MAP1LC3C: variants seen among roughly 807,000 people sequenced by gnomAD.
MAP1LC3C encodes microtubule associated protein 1 light chain 3 gamma, also known as microtubule-associated protein 1 light chain 3 gamma.
In MAP1LC3C, 12 loss-of-function variants were observed where a neutral mutation model predicts 10.4. The ratio of observed to expected loss-of-function variants is 1.15; its 90% CI spans 0.74 to 1.86. MAP1LC3C has a LOEUF of 1.86. Among genes scored for constraint, MAP1LC3C ranks in the 40% most tolerant of loss-of-function variants. The probability of loss-of-function intolerance (pLI) is 0.00; values close to 1 mark genes in which losing one functional copy is unlikely to be tolerated. For synonymous variants in MAP1LC3C, 70 were observed against 69.0 expected, an observed-to-expected ratio of 1.01 and a Z score of -0.07; for missense variants, 177 against 185.7, an observed-to-expected ratio of 0.95 and a Z score of 0.27.
intron 3 of MAP1LC3C, among the ~76,000 whole-genome samples, chr1:241,997,193 C>T (rs1341010574): frequency 6.6e-6 from 1 of 152,100 alleles, no homozygotes; most frequent in Non-Finnish European, 1.5e-5. Context: ...GCCACTGCGC[C>T]TGGCCCTAAT....
At chr1:242,000,564 A>G (rs1049016822), upstream of MAP1LC3C, among the ~76,000 whole-genome samples, 5 of 152,126 alleles carry the variant, frequency 3.3e-5, no homozygotes, top group African/African-American at 4.8e-5. Flanking sequence ...TCTATGGGAC[A>G]TAAGTCAGGC....
rs1183012260 is a variant in MAP1LC3C, at chr1:241,995,932, T to A, written c.*231A>T. ...AGACCCTGTTTCAAAAAAAAAAAAA[T>A]GATAATTATATAACTTTCAAGAGCA... On this transcript the variant is annotated 3_prime_UTR_variant, in exon 4 of 4. Transcript: ENST00000357246. The A allele has an allele frequency of 3.5e-4, 132 of 378,176 alleles. No individual in the cohort carries two copies. Among genetic ancestry groups the A allele is most frequent in the African/African-American group, 1.0e-3 (49 of 48,200 alleles). 23.4% of individuals were successfully genotyped at this position (378,176 alleles called of 1,614,324 possible).
intron 3 of MAP1LC3C, among the ~76,000 whole-genome samples, chr1:241,996,806 A>G (rs1665093005): frequency 6.8e-6 from 1 of 146,590 alleles, no homozygotes; most frequent in African/African-American, 2.5e-5. Context: ...CTGTAGTCCC[A>G]GCTACTCGGG....
At chr1:242,000,656 A>G (rs955778768), upstream of MAP1LC3C, among the ~76,000 whole-genome samples, 1 of 152,182 alleles carries the variant, frequency 6.6e-6, no homozygotes, top group Non-Finnish European at 1.5e-5. Flanking sequence ...CCGGCTTATT[A>G]CAGAGGATAT....
chr1:241,996,904 C>A, intron 3 of MAP1LC3C, among the ~76,000 whole-genome samples: 1 of 1,400 alleles, frequency 7.1e-4, no homozygotes, highest in Non-Finnish European at 9.8e-3. Context: ...AGCAAGACTG[C>A]GTCTCAAAAA....
chr1:241,996,497 A>G, intron 3 of MAP1LC3C, 112 bp from the exon 4 acceptor site: 1 of 832,014 alleles, frequency 1.2e-6, no homozygotes, highest in South Asian at 1.8e-5. Flanking sequence ...CCTGAGATTT[A>G]GGAACTACAA....
chr1:241,997,915 G>C (rs1362394523), intron 3 of MAP1LC3C, among the ~76,000 whole-genome samples: 2 of 151,994 alleles, frequency 1.3e-5, no homozygotes, highest in Non-Finnish European at 2.9e-5. Context: ...CCTAGCTTGA[G>C]AGCCAAGACT....
In MAP1LC3C at chr1:241,998,786, T is replaced by C; in HGVS notation, c.104A>G (p.Asn35Ser). The C allele has an allele frequency of 1.2e-6, 2 of 1,614,108 alleles. No homozygotes were observed. The highest frequency in any genetic ancestry group is 1.7e-6 in the Non-Finnish European group (2 of 1,180,032). Reference protein sequence around the residue: ...EVAGIRAKFPNKIPVVVERYP... With the variant: ...EVAGIRAKFPSKIPVVVERYP... ...CCAGTGGTGTCTTACCGGGATTTTG[T>C]TGGGGAACTTTGCCCGGATTCCAGC... Residue 35 changes from asparagine (N) to serine (S), a missense_variant, in exon 2 of 4, where the codon AAC becomes AGC. Transcript: ENST00000357246.
chr1:242,000,640 C>T (rs1486872980), upstream of MAP1LC3C, among the ~76,000 whole-genome samples: 1 of 152,092 alleles, frequency 6.6e-6, no homozygotes, highest in Admixed American at 6.6e-5. Flanking sequence ...CAGGGAAACA[C>T]TTTTACCGGC....
upstream of MAP1LC3C, among the ~76,000 whole-genome samples, chr1:242,000,641 T>A (rs2139474): frequency 0.98 from 148,419 of 152,218 alleles, 72,463 homozygotes; most frequent in East Asian, 1. Flanking sequence ...AGGGAAACAC[T>A]TTTACCGGCT....
chr1:241,999,456 A>C (rs1355160416), upstream of MAP1LC3C, among the ~76,000 whole-genome samples: 2 of 152,176 alleles, frequency 1.3e-5, no homozygotes, highest in African/African-American at 4.8e-5. Context: ...CATGCCCTTT[A>C]TCACAGAAGG....
Position 241,998,934 on chromosome 1 carries a change from TA to T in MAP1LC3C, c.58+16del. The T allele has an allele frequency of 1.2e-6, 2 of 1,610,764 alleles. No individual in the cohort carries two copies. The highest frequency in any genetic ancestry group is 2.7e-5 in the African/African-American group (2 of 74,640). On this transcript the variant is annotated intron_variant, in intron 1 of 3. Transcript: ENST00000357246. ...CCTCTCTTTAGATAACCCAGAAAGCTACCCCAAGAAATTTACCCAAGCTTTT... is the reference window on the plus strand; with the variant it reads ...CCTCTCTTTAGATAACCCAGAAAGCTCCCCAAGAAATTTACCCAAGCTTTT...
At chr1:241,998,021 CTTTTTTT>C (rs58237405) in intron 3 of MAP1LC3C, among the ~76,000 whole-genome samples, 28 of 95,408 alleles carry the variant, frequency 2.9e-4, no homozygotes, top group Admixed American at 8.7e-4. Flanking sequence ...TAGAGTAATT[CTTTTTTT>C]TTTTTTTTTT....
intron 2 of MAP1LC3C, 36 bp from the exon 3 acceptor site, chr1:241,998,656 G>A (rs923941629): frequency 3.7e-6 from 6 of 1,607,130 alleles, no homozygotes; most frequent in Non-Finnish European, 5.1e-6. Flanking sequence ...ATGTGACTCA[G>A]CGTGAGTGTT....
At chr1:241,998,464 C>A in intron 3 of MAP1LC3C, 50 bp downstream of exon 3, 1 of 1,528,992 alleles carries the variant, frequency 6.5e-7, no homozygotes, top group Non-Finnish European at 9.1e-7. Context: ...GCCCAACAGC[C>A]CCGGCGCACC....
upstream of MAP1LC3C, among the ~76,000 whole-genome samples, chr1:242,000,693 A>G (rs1665180115): frequency 6.6e-6 from 1 of 152,194 alleles, no homozygotes. Context: ...GAAGAGATGC[A>G]TAGCGAGGTA....
intron 3 of MAP1LC3C, 21 bp from the exon 4 acceptor site, chr1:241,996,406 G>A: frequency 6.2e-7 from 1 of 1,605,872 alleles, no homozygotes; most frequent in Non-Finnish European, 8.5e-7. Context: ...CAGGAGGGTG[G>A]TGAGGGTATG....
upstream of MAP1LC3C, among the ~76,000 whole-genome samples, chr1:241,999,473 A>G (rs1207579608): frequency 2.0e-5 from 3 of 152,166 alleles, no homozygotes; most frequent in Non-Finnish European, 2.9e-5. Context: ...AAGGAAACCT[A>G]TACTAAGAAA....
At position 241,998,972 on chromosome 1, in the gene MAP1LC3C, A is replaced by G. The variant is rs1293222635; in HGVS notation, c.37T>C (p.Phe13Leu). 2 of 1,612,622 alleles carry G rather than the reference A, an allele frequency of 1.2e-6. No homozygotes were observed. Among genetic ancestry groups the G allele is most frequent in the South Asian group, 2.2e-5 (2 of 90,818 alleles). The part of the protein sequence containing the change: ...PPQKIPSVRP[F>L]KQRKSLAIRQ... ...TTACCCAAGCTTTTCCTCTGCTTGA[A>G]GGGTCTGACGCTTGGGATTTTCTGT... The change falls in exon 1 of 4, where the codon TTC becomes CTC. Residue 13 changes from phenylalanine to leucine, a missense_variant. By Grantham distance (22) the Phe-to-Leu change is conservative. Coordinates refer to ENST00000357246, the MANE Select transcript of MAP1LC3C (RefSeq NM_001004343.3).
Sources: gnomAD v4.1 joint callset for allele counts (sites outside exome capture counted in the v4.1 genomes callset) on GRCh38, gnomAD v4.1.1 for gene constraint, MANE v1.5 for transcripts, NCBI Gene and HGNC (gene_info 2026-07-23, HGNC 2026-07-21) for gene names.